ADGRV1: variants seen among roughly 807,000 people sequenced by gnomAD.
ADGRV1 encodes G-protein coupled receptor 98.
In ADGRV1, 359 loss-of-function variants were observed where a neutral mutation model predicts 596.2. The observed-to-expected ratio is 0.60, with a 90% CI of 0.55 to 0.66. ADGRV1 has a LOEUF of 0.66. Among genes scored for constraint, ADGRV1 ranks in the 30% least tolerant of loss-of-function variants. The pLI, the probability that ADGRV1 is intolerant of heterozygous loss-of-function variation, is 0.00. For synonymous variants in ADGRV1, 2,681 were observed against 2,679.2 expected (o/e 1.00, Z -0.02); for missense variants, 7,274 against 7,575.6 (o/e 0.96, Z 1.48).
At chr5:90,871,313 T>G (rs2150498131) in intron 83 of ADGRV1, among the ~76,000 whole-genome samples, 1 of 152,320 alleles carries the variant, frequency 6.6e-6, no homozygotes. Flanking sequence ...TAAGGCTACA[T>G]TTTCCTTTAT....
At chr5:90,646,466 G>A (rs1332697425) in intron 16 of ADGRV1, among the ~76,000 whole-genome samples, 1 of 151,534 alleles carries the variant, frequency 6.6e-6, no homozygotes, top group Non-Finnish European at 1.5e-5. Flanking sequence ...CAGTCTAGTT[G>A]GTTCAGGGCT....
At chr5:91,058,488 C>T (rs1187719758) in intron 85 of ADGRV1, among the ~76,000 whole-genome samples, 1 of 150,328 alleles carries the variant, frequency 6.7e-6, no homozygotes, top group Non-Finnish European at 1.5e-5. Context: ...CATCTTTTGC[C>T]CTCTTTTTGG....
At chr5:90,883,634 A>T (rs933601068) in intron 83 of ADGRV1, among the ~76,000 whole-genome samples, 4 of 151,990 alleles carry the variant, frequency 2.6e-5, no homozygotes, top group Admixed American at 2.6e-4. Context: ...TCCTCCTTCT[A>T]ACTGCTACTT....
chr5:90,730,211 C>T (rs1752378482), intron 50 of ADGRV1, among the ~76,000 whole-genome samples: 1 of 152,134 alleles, frequency 6.6e-6, no homozygotes, highest in African/African-American at 2.4e-5. Context: ...ATACTCCTTC[C>T]AGAAATCCTA....
intron 20 of ADGRV1, among the ~76,000 whole-genome samples, chr5:90,657,262 AAAAAC>A (rs1314802793): frequency 6.6e-6 from 1 of 151,454 alleles, no homozygotes; most frequent in Non-Finnish European, 1.5e-5. Context: ...TCTCTACAAA[AAAAAC>A]AAAACAACAA....
intron 25 of ADGRV1, 35 bp from the exon 26 acceptor site, chr5:90,679,514 T>C: frequency 6.8e-7 from 1 of 1,476,744 alleles, no homozygotes; most frequent in Non-Finnish European, 9.5e-7. Context: ...TCAATGTGTG[T>C]TGTGTGGGTT....
intron 1 of ADGRV1, among the ~76,000 whole-genome samples, chr5:90,563,343 CT>C (rs1245241047): frequency 2.6e-5 from 4 of 152,228 alleles, no homozygotes. Context: ...TTATGTAATC[CT>C]TTCCAAGTAG....
At position 90,811,292 on chromosome 5, in the gene ADGRV1, G is replaced by A. The variant is rs757054226; in HGVS notation, c.16032G>A (p.Glu5344=). 79 of 1,612,032 alleles carry A rather than the reference G, an allele frequency of 4.9e-5. No homozygotes were observed. The highest frequency in any genetic ancestry group is 6.4e-5 in the Non-Finnish European group (76 of 1,179,126). The change falls in exon 74 of 90, where the codon GAG becomes GAA. Residue 5344 remains glutamate (E), a synonymous_variant. Coordinates refer to ENST00000405460, the MANE Select transcript of ADGRV1 (RefSeq NM_032119.4). ...AAGGGGGAGCACAGATTGTGGAGGA[G>A]AAGGATGATACTGGATTTGCAGCTT... is the stretch of plus-strand genomic sequence containing the variant. ...NPQGGAQIVE[E]KDDTGFAAFA...
chr5:90,711,257 T>G lies in ADGRV1; in HGVS notation c.8977T>G (p.Ser2993Ala). Reference protein sequence around the residue: ...QRSREPLGHVSLFVYAQNLEA... With the variant: ...QRSREPLGHVALFVYAQNLEA... ...GAGCAGAGAACCTCTTGGCCATGTT[T>G]CCTTATTTGTGTATGCTCAGAATTT... Residue 2993 changes from serine to alanine, a missense_variant, in exon 41 of 90, where the codon TCC becomes GCC. Coordinates refer to ENST00000405460, the MANE Select transcript of ADGRV1 (RefSeq NM_032119.4). 1 of 1,613,286 alleles carries G rather than the reference T, an allele frequency of 6.2e-7. No homozygotes were observed.
At position 90,789,766 on chromosome 5, in the gene ADGRV1, C is replaced by T; in HGVS notation, c.13958C>T (p.Thr4653Ile). Residue 4653 changes from threonine to isoleucine, a missense_variant, in exon 69 of 90, where the codon ACT (threonine) becomes ATT (isoleucine). This residue lies in a region of ADGRV1 where 3,643 missense variants were observed against 3,809.2 expected (regional missense o/e 0.96). Transcript: ENST00000405460. ...GCTCCTGAAACTTTGTCTAAGAAGA[C>T]TTATTCAGAGCCTCTGGCTCTGGAA... ...QFAPETLSKK[T>I]YSEPLALEGP... The T allele has an allele frequency of 1.3e-6, 2 of 1,556,708 alleles. No individual in the cohort carries two copies. Among genetic ancestry groups the T allele is most frequent in the Non-Finnish European group, 8.7e-7 (1 of 1,148,088 alleles).
At chr5:90,934,064 C>G (rs1775478914) in intron 83 of ADGRV1, among the ~76,000 whole-genome samples, 1 of 152,178 alleles carries the variant, frequency 6.6e-6, no homozygotes, top group African/African-American at 2.4e-5. Flanking sequence ...TCTTACTGAC[C>G]TCAGATCCCT....
At chr5:91,083,278 A>G (rs1648358009) in intron 86 of ADGRV1, among the ~76,000 whole-genome samples, 1 of 152,086 alleles carries the variant, frequency 6.6e-6, no homozygotes, top group Non-Finnish European at 1.5e-5. Flanking sequence ...GCATTAGGAG[A>G]TATACCTAAT....
chr5:90,574,731 T>G (rs190860547), intron 1 of ADGRV1, among the ~76,000 whole-genome samples: 169 of 152,260 alleles, frequency 1.1e-3, no homozygotes, highest in African/African-American at 3.8e-3. Context: ...TATGTTTTGG[T>G]TGTTAGGTTC....
intron 85 of ADGRV1, among the ~76,000 whole-genome samples, chr5:91,070,800 C>A (rs553258795): frequency 1.3e-5 from 2 of 152,106 alleles, no homozygotes; most frequent in Non-Finnish European, 2.9e-5. Context: ...TGCAGTATAG[C>A]TTCTAAATGG....
chr5:90,813,167 T>TAAAAAAAAAAAA (rs1561786626), intron 74 of ADGRV1, among the ~76,000 whole-genome samples: 21 of 104,306 alleles, frequency 2.0e-4, no homozygotes, highest in South Asian at 6.5e-4. Flanking sequence ...AAAAAAAATT[T>TAAAAAAAAAAAA]ATTTGGCAGT....
chr5:90,889,904 A>T (rs187988523), intron 83 of ADGRV1, among the ~76,000 whole-genome samples: 328 of 151,980 alleles, frequency 2.2e-3, no homozygotes, highest in Middle Eastern at 6.8e-3. Context: ...TTTCTTGCAC[A>T]TAAATAGTTA....
At position 90,810,577 on chromosome 5, in the gene ADGRV1, A is replaced by C; in HGVS notation, c.15317A>C (p.Asp5106Ala). The C allele has an allele frequency of 6.2e-7, 1 of 1,613,970 alleles. No homozygotes were observed. Among genetic ancestry groups the C allele is most frequent in the Non-Finnish European group, 8.5e-7 (1 of 1,179,888 alleles). The stretch of plus-strand genomic sequence containing the variant: ...GAAATTAGGGGATTACAAAAGTTTG[A>C]TGTTAATTGGAGCCCACGCCTGAAT... ...SVEIRGLQKF[D>A]VNWSPRLNLD... is the part of the protein sequence containing the mutation. Residue 5106 changes from aspartate to alanine, a missense_variant, in exon 74 of 90, where the codon GAT (aspartate) becomes GCT (alanine). Physicochemically the swap from Asp to Ala is moderately radical, Grantham distance 126 (BLOSUM62 -2). Coordinates refer to ENST00000405460, the MANE Select transcript of ADGRV1 (RefSeq NM_032119.4).
chr5:90,666,175 C>G (rs534722738), intron 21 of ADGRV1, among the ~76,000 whole-genome samples: 2 of 150,506 alleles, frequency 1.3e-5, no homozygotes, highest in African/African-American at 2.4e-5. Flanking sequence ...TCCTTGTTGA[C>G]TTTCTGTCTC....
At chr5:91,039,687 G>T (rs938918279) in intron 85 of ADGRV1, among the ~76,000 whole-genome samples, 2 of 152,178 alleles carry the variant, frequency 1.3e-5, no homozygotes, top group African/African-American at 4.8e-5. Flanking sequence ...AATGATTTCA[G>T]TACAGGCCAG....
Sources: gnomAD v4.1 joint callset for allele counts (sites outside exome capture counted in the v4.1 genomes callset) on GRCh38, gnomAD v4.1.1 for gene constraint, gnomAD v4.1.1 regional missense constraint, MANE v1.5 for transcripts, NCBI Gene and HGNC (gene_info 2026-07-23, HGNC 2026-07-21) for gene names.